GRIP1: variants seen among roughly 807,000 people sequenced by gnomAD.
GRIP1 encodes glutamate receptor-interacting protein 1.
In GRIP1, 45 loss-of-function variants were observed where a neutral mutation model predicts 129.9. The ratio of observed to expected loss-of-function variants is 0.35; its 90% CI spans 0.27 to 0.44. The LOEUF (loss-of-function observed/expected upper bound fraction) is 0.44. GRIP1 is among the 20% of genes least tolerant of loss of function. The pLI, the probability that GRIP1 is intolerant of heterozygous loss-of-function variation, is 1.00. For missense variants in GRIP1, 1,196 were observed against 1,396.8 expected (o/e 0.86, Z 2.29); for synonymous variants, 530 against 520.8 (o/e 1.02, Z -0.24).
intron 1 of GRIP1, among the ~76,000 whole-genome samples, chr12:67,030,862 G>A (rs2135777615): frequency 6.6e-6 from 1 of 152,084 alleles, no homozygotes; most frequent in African/African-American, 2.4e-5. Flanking sequence ...AATATGGACA[G>A]CAACAAAGTT....
At chr12:66,692,572 T>C (rs1025903191) in intron 1 of GRIP1, among the ~76,000 whole-genome samples, 1 of 152,174 alleles carries the variant, frequency 6.6e-6, no homozygotes, top group Non-Finnish European at 1.5e-5. Context: ...GAATAAAGTA[T>C]GTCTGGTGAT....
intron 2 of GRIP1, among the ~76,000 whole-genome samples, chr12:66,547,070 A>T (rs1275245900): frequency 6.6e-6 from 1 of 152,214 alleles, no homozygotes; most frequent in Non-Finnish European, 1.5e-5. Flanking sequence ...CTCAACAGTA[A>T]AAAAGCAAAC....
chr12:66,599,010 C>T (rs1490480667), intron 1 of GRIP1, among the ~76,000 whole-genome samples: 1 of 152,124 alleles, frequency 6.6e-6, no homozygotes, highest in Non-Finnish European at 1.5e-5. Flanking sequence ...GTAGTGAACC[C>T]TGGTAAAATG....
intron 14 of GRIP1, among the ~76,000 whole-genome samples, chr12:66,422,812 G>T (rs769861753): frequency 3.9e-5 from 6 of 152,092 alleles, no homozygotes; most frequent in Admixed American, 6.6e-5. Context: ...CTCCTTTAAT[G>T]GACTCGATAG....
At chr12:66,708,302 T>C (rs2035602576) in intron 1 of GRIP1, among the ~76,000 whole-genome samples, 1 of 151,892 alleles carries the variant, frequency 6.6e-6, no homozygotes, top group African/African-American at 2.4e-5. Flanking sequence ...TGTAGCAAAT[T>C]ACAGGTAATA....
intron 24 of GRIP1, among the ~76,000 whole-genome samples, chr12:66,352,221 A>G (rs1392318669): frequency 2.6e-5 from 4 of 152,192 alleles, no homozygotes; most frequent in Admixed American, 2.6e-4. Flanking sequence ...CTGCGAACCA[A>G]GAAAGAAGGG....
At chr12:66,657,446 G>A (rs1207972301) in intron 1 of GRIP1, among the ~76,000 whole-genome samples, 1 of 152,162 alleles carries the variant, frequency 6.6e-6, no homozygotes, top group Non-Finnish European at 1.5e-5. Flanking sequence ...CTGGCTTTAT[G>A]TCTCAAGTAG....
At chr12:66,954,298 A>T (rs2041806627) in intron 1 of GRIP1, among the ~76,000 whole-genome samples, 1 of 152,246 alleles carries the variant, frequency 6.6e-6, no homozygotes, top group Non-Finnish European at 1.5e-5. Flanking sequence ...TGCAGAGTTC[A>T]GCAATATTTG....
In GRIP1 at chr12:66,926,437, G is replaced by A. The variant is rs542701643; in HGVS notation, c.58+142613C>T. ...TGTTCTCAATTATCCTTAATTCCTC[G>A]CCTGCTGGAAGTACTGCAGTGAAGC... On this transcript the variant is annotated intron_variant, in intron 1 of 1. Transcript: ENST00000643019. Among the ~76,000 whole-genome samples, 24 of 152,190 alleles carry A rather than the reference G, an allele frequency of 1.6e-4. No individual in the cohort carries two copies. In the South Asian group the frequency reaches 3.3e-3, roughly 21 times the overall value.
chr12:66,696,800 G>A (rs1040076324), intron 1 of GRIP1, among the ~76,000 whole-genome samples: 10 of 102,720 alleles, frequency 9.7e-5, no homozygotes, highest in African/African-American at 4.1e-4. Flanking sequence ...GCAAGACTCT[G>A]TCTCAAAAAA....
intron 1 of GRIP1, among the ~76,000 whole-genome samples, chr12:66,645,587 G>C (rs923919820): frequency 6.6e-6 from 1 of 152,188 alleles, no homozygotes; most frequent in East Asian, 1.9e-4. Flanking sequence ...ATGCTGGGAT[G>C]TGTTTTCCGG....
At chr12:66,890,575 T>C (rs1866934070) in intron 1 of GRIP1, among the ~76,000 whole-genome samples, 1 of 152,112 alleles carries the variant, frequency 6.6e-6, no homozygotes, top group Non-Finnish European at 1.5e-5. Context: ...TGACACAACA[T>C]TCGAAAGTAC....
At chr12:66,785,335 CATACATACAT>C (rs1235299969) in intron 1 of GRIP1, among the ~76,000 whole-genome samples, 11 of 27,808 alleles carry the variant, frequency 4.0e-4, no homozygotes, top group African/African-American at 9.2e-4. Context: ...TACATACATA[CATACATACAT>C]ATATATATAT....
intron 1 of GRIP1, among the ~76,000 whole-genome samples, chr12:66,711,126 C>A (rs1304529138): frequency 6.6e-6 from 1 of 151,736 alleles, no homozygotes; most frequent in Non-Finnish European, 1.5e-5. Flanking sequence ...AGATGCATAA[C>A]CTGATTTAGA....
At chr12:66,634,964 T>TA (rs1565928208) in intron 1 of GRIP1, among the ~76,000 whole-genome samples, 1 of 152,250 alleles carries the variant, frequency 6.6e-6, no homozygotes, top group East Asian at 1.9e-4. Flanking sequence ...CCTGGCATCA[T>TA]ATTATTTGTT....
At chr12:66,822,810 A>G (rs866069478) in intron 1 of GRIP1, among the ~76,000 whole-genome samples, 32 of 152,128 alleles carry the variant, frequency 2.1e-4, no homozygotes, top group Non-Finnish European at 3.7e-4. Context: ...TTGGGTACAC[A>G]TGGACATAAG....
At chr12:66,852,360 C>G (rs551283309) in intron 1 of GRIP1, among the ~76,000 whole-genome samples, 1 of 151,780 alleles carries the variant, frequency 6.6e-6, no homozygotes, top group South Asian at 2.1e-4. Flanking sequence ...AAACTGAGGT[C>G]AAACTTTTTA....
At chr12:66,449,856 G>A (rs1293353719) in intron 11 of GRIP1, among the ~76,000 whole-genome samples, 1 of 152,098 alleles carries the variant, frequency 6.6e-6, no homozygotes, top group Non-Finnish European at 1.5e-5. Flanking sequence ...GACTTAATCA[G>A]TAATCCTTTA....
rs566261451 is a variant in GRIP1, at chr12:66,517,162, C to T, written c.578+739G>A. On this transcript the variant is annotated intron_variant, in intron 6 of 24. Transcript: ENST00000359742. ...AGTGCATTTTCCTCCTCCCCTTCAA[C>T]AATCTCTAATGGCAGCAGTTGTGTT... 9.9e-5 allele frequency among the ~76,000 whole-genome samples: 15 copies of T among 152,254 alleles called. No individual in the cohort carries two copies. In the East Asian group the frequency reaches 2.7e-3, roughly 27 times the overall value.
Sources: gnomAD v4.1 joint callset for allele counts (sites outside exome capture counted in the v4.1 genomes callset) on GRCh38, gnomAD v4.1.1 for gene constraint, MANE v1.5 for transcripts, NCBI Gene and HGNC (gene_info 2026-07-23, HGNC 2026-07-21) for gene names.